GC: variants seen among roughly 807,000 people sequenced by gnomAD.
The protein encoded by GC is GC vitamin D binding protein, also known as vitamin D-binding protein.
Under a neutral mutation model 56.7 loss-of-function variants are expected in GC, and 43 were observed. That is an observed-to-expected ratio of 0.76 (90% confidence interval 0.59 to 0.98). GC has a LOEUF of 0.98. Among genes scored for constraint, GC ranks in the 50% least tolerant of loss-of-function variants. GC has a pLI of 0.00. For missense variants in GC, 529 were observed against 545.9 expected, an observed-to-expected ratio of 0.97 and a Z score of 0.31; for synonymous variants, 216 against 202.7, an observed-to-expected ratio of 1.07 and a Z score of -0.56.
Position 71,765,500 on chromosome 4 carries a change from G to C in GC, c.405C>G (p.Thr135=). The C allele has an allele frequency of 6.2e-7, 1 of 1,614,050 alleles. No individual in the cohort carries two copies. Among genetic ancestry groups the C allele is most frequent in the Non-Finnish European group, 8.5e-7 (1 of 1,179,964 alleles). Residue 135 remains threonine, a synonymous_variant, in exon 4 of 13, where the codon ACC becomes ACG. Coordinates refer to ENST00000273951, the MANE Select transcript of GC (RefSeq NM_000583.4). ...TTTCATCATTTGTGGGTTCCACGTA[G>C]GTAGGGAATTCCTGTGGCTGGTGTT... The part of the protein sequence containing the change: ...ALKHQPQEFP[T]YVEPTNDEIC...
chr4:71,800,133 T>C (rs902135796), intron 1 of GC, among the ~76,000 whole-genome samples: 3 of 151,992 alleles, frequency 2.0e-5, no homozygotes, highest in African/African-American at 7.3e-5. Flanking sequence ...GTTTGTTATA[T>C]AGGTAAATGT....
chr4:71,797,448 G>T (rs1743133503), intron 1 of GC, among the ~76,000 whole-genome samples: 1 of 152,258 alleles, frequency 6.6e-6, no homozygotes, highest in African/African-American at 2.4e-5. Context: ...ATCTCAGACT[G>T]CTGCGCTAGC....
At chr4:71,749,310 T>C (rs1489129875) in intron 11 of GC, among the ~76,000 whole-genome samples, 1 of 152,176 alleles carries the variant, frequency 6.6e-6, no homozygotes, top group African/African-American at 2.4e-5. Context: ...TTGTAATGAT[T>C]TGAATGGCAA....
At chr4:71,746,972 G>A (rs1741398047) in intron 11 of GC, among the ~76,000 whole-genome samples, 1 of 152,038 alleles carries the variant, frequency 6.6e-6, no homozygotes, top group East Asian at 1.9e-4. Context: ...AAGATTGCCT[G>A]AAACTAAATA....
chr4:71,749,563 G>T (rs139999410), intron 11 of GC, among the ~76,000 whole-genome samples: 115 of 152,206 alleles, frequency 7.6e-4, no homozygotes, highest in Admixed American at 3.5e-3. Flanking sequence ...AATTTTTCTG[G>T]TAGCAAACAA....
chr4:71,762,599 A>G (rs1365247979), intron 6 of GC, among the ~76,000 whole-genome samples: 1 of 152,204 alleles, frequency 6.6e-6, no homozygotes, highest in African/African-American at 2.4e-5. Flanking sequence ...CTCATCTTGA[A>G]TTATAACTCC....
intron 12 of GC, among the ~76,000 whole-genome samples, chr4:71,742,287 G>A (rs1312438657): frequency 6.6e-6 from 1 of 152,164 alleles, no homozygotes; most frequent in Non-Finnish European, 1.5e-5. Flanking sequence ...AAACATAAGT[G>A]TGAATTTTTA....
intron 1 of GC, among the ~76,000 whole-genome samples, chr4:71,775,524 T>C (rs918251957): frequency 3.3e-5 from 5 of 151,936 alleles, no homozygotes; most frequent in African/African-American, 1.2e-4. Context: ...AAGGCTTAAA[T>C]GTAAGACCTG....
intron 11 of GC, among the ~76,000 whole-genome samples, chr4:71,748,397 C>T (rs1335211785): frequency 1.3e-5 from 2 of 151,944 alleles, no homozygotes; most frequent in Non-Finnish European, 2.9e-5. Context: ...TTCCACTTGG[C>T]TATTTGTATT....
chr4:71,741,908 C>T (rs1417038746), intron 12 of GC, 38 bp from the exon 13 acceptor site: 2 of 702,634 alleles, frequency 2.8e-6, no homozygotes, highest in Non-Finnish European at 5.2e-6. Flanking sequence ...GTTAGAAAAA[C>T]AGAGCTAATG....
At chr4:71,804,919 G>C (rs1032370111), upstream of GC, among the ~76,000 whole-genome samples, 4 of 13,280 alleles carry the variant, frequency 3.0e-4, no homozygotes, top group East Asian at 0.015. Context: ...GGCTGAGGGA[G>C]GAGGAGGAGG....
At chr4:71,793,284 T>G (rs1743014937) in intron 1 of GC, among the ~76,000 whole-genome samples, 1 of 152,232 alleles carries the variant, frequency 6.6e-6, no homozygotes, top group Non-Finnish European at 1.5e-5. Context: ...TGATTCTTCC[T>G]ATCCATGAGC....
intron 1 of GC, among the ~76,000 whole-genome samples, chr4:71,790,020 A>G (rs1212648545): frequency 6.6e-6 from 1 of 151,972 alleles, no homozygotes; most frequent in African/African-American, 2.4e-5. Flanking sequence ...TTTTTAGTCT[A>G]TTGTGTTTTT....
At chr4:71,753,683 A>T (rs185925614) in intron 10 of GC, among the ~76,000 whole-genome samples, 57 of 152,296 alleles carry the variant, frequency 3.7e-4, no homozygotes, top group Middle Eastern at 3.4e-3. Flanking sequence ...ATTGAGAAAA[A>T]TGACTATTAT....
chr4:71,798,482 C>A (rs868187466), intron 1 of GC, among the ~76,000 whole-genome samples: 1 of 152,100 alleles, frequency 6.6e-6, no homozygotes, highest in Non-Finnish European at 1.5e-5. Flanking sequence ...TTTGACTTTT[C>A]TTTCTATTGG....
chr4:71,790,879 T>C (rs2149308762), intron 1 of GC, among the ~76,000 whole-genome samples: 1 of 152,118 alleles, frequency 6.6e-6, no homozygotes, highest in South Asian at 2.1e-4. Flanking sequence ...ACTCATCATT[T>C]AGCATTAGGT....
At chr4:71,776,045 T>C (rs1383859850) in intron 1 of GC, among the ~76,000 whole-genome samples, 1 of 152,038 alleles carries the variant, frequency 6.6e-6, no homozygotes, top group Non-Finnish European at 1.5e-5. Context: ...TCTTTTCCAC[T>C]GTTGGTGGAA....
In GC at chr4:71,765,347, G is replaced by T. The variant is rs1176039410; in HGVS notation, c.473+85C>A. 8.8e-6 allele frequency: 9 copies of T among 1,023,290 alleles called. No homozygotes were observed. In the African/African-American group the frequency reaches 1.4e-4, roughly 16 times the overall value. 63.4% of individuals were successfully genotyped at this position (1,023,290 alleles called of 1,614,324 possible). A position where few individuals can be genotyped will look rare whatever the true frequency, so the allele number is the denominator to read the frequency against. ...AATTTGTTCAGGTTGCTGTAGAAGA[G>T]GTGTTTCCACAGAGTAGGGGGTTAG... On this transcript the variant is annotated intron_variant, in intron 4 of 12. Transcript: ENST00000273951.
At chr4:71,805,445 G>C (rs1365068936), upstream of GC, among the ~76,000 whole-genome samples, 1 of 152,178 alleles carries the variant, frequency 6.6e-6, no homozygotes, top group Non-Finnish European at 1.5e-5. Flanking sequence ...CTGATGAAAA[G>C]AGTACTCAGA....
Sources: gnomAD v4.1 joint callset for allele counts (sites outside exome capture counted in the v4.1 genomes callset) on GRCh38, gnomAD v4.1.1 for gene constraint, MANE v1.5 for transcripts, NCBI Gene and HGNC (gene_info 2026-07-23, HGNC 2026-07-21) for gene names.